Variants in EFCAB5 observed in about 807,000 individuals in gnomAD.
EFCAB5 encodes EF-hand calcium binding domain 5.
EFCAB5 carries 131 observed loss-of-function variants against 167.9 expected under a neutral mutation model. The ratio of observed to expected loss-of-function variants is 0.78; its 90% CI spans 0.68 to 0.90. The LOEUF (loss-of-function observed/expected upper bound fraction) is 0.90, where lower values mean the gene tolerates loss of function less well. Among genes scored for constraint, EFCAB5 ranks in the 40% least tolerant of loss-of-function variants. The pLI is 0.00. For missense variants in EFCAB5, 1,663 were observed against 1,745.2 expected (o/e 0.95, Z 0.84); for synonymous variants, 574 against 602.8 (o/e 0.95, Z 0.70).
At chr17:30,046,097 A>G (rs910014831) in intron 8 of EFCAB5, among the ~76,000 whole-genome samples, 10 of 152,204 alleles carry the variant, frequency 6.6e-5, no homozygotes, top group African/African-American at 2.2e-4. Flanking sequence ...ATATCAGAAT[A>G]ATCACCACCT....
intron 3 of EFCAB5, among the ~76,000 whole-genome samples, chr17:29,967,315 G>T (rs987395308): frequency 2.6e-5 from 4 of 152,188 alleles, no homozygotes; most frequent in African/African-American, 7.2e-5. Context: ...AGACAGTGAA[G>T]CTGTCAATAG....
At chr17:29,959,830 C>T (rs989687812) in intron 3 of EFCAB5, among the ~76,000 whole-genome samples, 7 of 152,208 alleles carry the variant, frequency 4.6e-5, no homozygotes, top group Admixed American at 4.6e-4. Context: ...CTTGGCTGCC[C>T]TAGCTGGTGT....
chr17:30,015,905 A>G (rs1388093416), intron 7 of EFCAB5, among the ~76,000 whole-genome samples: 1 of 151,760 alleles, frequency 6.6e-6, no homozygotes, highest in Non-Finnish European at 1.5e-5. Flanking sequence ...CAGCTTTCCA[A>G]GTAGCTGGGA....
At chr17:30,092,188 A>G in intron 21 of EFCAB5, 31 bp downstream of exon 21, 2 of 1,582,536 alleles carry the variant, frequency 1.3e-6, no homozygotes, top group Non-Finnish European at 1.7e-6. Flanking sequence ...CACCTTTTAA[A>G]TTGAAGAATC....
chr17:30,028,411 G>T (rs1329836064), intron 7 of EFCAB5, among the ~76,000 whole-genome samples: 1 of 151,926 alleles, frequency 6.6e-6, no homozygotes, highest in Admixed American at 6.6e-5. Flanking sequence ...TGCTCATTTT[G>T]TTTTTTATGT....
intron 18 of EFCAB5, among the ~76,000 whole-genome samples, chr17:30,083,477 G>A (rs571463792): frequency 7.2e-4 from 109 of 152,306 alleles, no homozygotes; most frequent in African/African-American, 2.4e-3. Context: ...GAAAGAAGAC[G>A]GAGTCTCGCT....
Position 30,078,478 on chromosome 17 carries a change from A to G in EFCAB5, c.3001A>G (p.Ser1001Gly). ...TGGGGTGTCCCTAGAGCCGGTGTAT[A>G]GTGAGACCTTTAAGGCCCTCATGCA... ...TSGVSLEPVYSETFKALMQDA... is the reference protein window; with the variant it reads ...TSGVSLEPVYGETFKALMQDA... The change falls in exon 15 of 23, where the codon AGT (serine) becomes GGT (glycine). Residue 1001 changes from serine (S) to glycine (G), a missense_variant. Transcript: ENST00000394835. The G allele has an allele frequency of 2.5e-6, 4 of 1,608,266 alleles. No individual in the cohort carries two copies. The highest frequency in any genetic ancestry group is 3.4e-6 in the Non-Finnish European group (4 of 1,176,238).
At chr17:29,991,607 G>A (rs1360902880) in intron 4 of EFCAB5, among the ~76,000 whole-genome samples, 10 of 152,222 alleles carry the variant, frequency 6.6e-5, no homozygotes, top group Non-Finnish European at 2.9e-5. Context: ...CCCAGGGTGG[G>A]CCAGGTTTCC....
intron 19 of EFCAB5, among the ~76,000 whole-genome samples, chr17:30,089,089 C>T (rs762115360): frequency 3.2e-4 from 48 of 152,144 alleles, no homozygotes; most frequent in Non-Finnish European, 6.0e-4. Flanking sequence ...ATCCCTCCCC[C>T]TTCCCTCCAC....
chr17:30,005,427 T>C (rs976220725), intron 7 of EFCAB5, among the ~76,000 whole-genome samples: 2 of 152,222 alleles, frequency 1.3e-5, no homozygotes, highest in Non-Finnish European at 2.9e-5. Flanking sequence ...TTCTATGTAA[T>C]TTAAAAATTT....
chr17:30,011,936 C>T (rs543909095), intron 7 of EFCAB5, among the ~76,000 whole-genome samples: 1 of 152,226 alleles, frequency 6.6e-6, no homozygotes, highest in East Asian at 1.9e-4. Context: ...ATTAGTAGTA[C>T]TTATTCTTTA....
chr17:30,026,524 T>G (rs1387718189), intron 7 of EFCAB5, among the ~76,000 whole-genome samples: 3 of 152,224 alleles, frequency 2.0e-5, no homozygotes, highest in African/African-American at 7.2e-5. Context: ...AAAGTATATT[T>G]GTTTTATTCA....
chr17:30,073,054 A>G, intron 14 of EFCAB5: 1 of 626,754 alleles, frequency 1.6e-6, no homozygotes, highest in Admixed American at 2.6e-5. Flanking sequence ...CCCCATGCCC[A>G]ACCTTTATTT....
intron 4 of EFCAB5, among the ~76,000 whole-genome samples, chr17:29,969,987 T>C (rs1283734733): frequency 6.6e-6 from 1 of 152,148 alleles, no homozygotes; most frequent in Admixed American, 6.5e-5. Flanking sequence ...AATTTAACTT[T>C]TCTTTTATGG....
At chr17:30,015,297 A>G (rs1190660694) in intron 7 of EFCAB5, among the ~76,000 whole-genome samples, 1 of 151,930 alleles carries the variant, frequency 6.6e-6, no homozygotes, top group Non-Finnish European at 1.5e-5. Context: ...CTTCTCGAGG[A>G]GTATCTTTGT....
intron 4 of EFCAB5, among the ~76,000 whole-genome samples, chr17:29,989,392 G>A (rs1351932766): frequency 6.6e-6 from 1 of 152,184 alleles, no homozygotes. Flanking sequence ...CATACGTCTG[G>A]CAAATTGTTG....
At chr17:30,096,677 AT>A (rs71278522) in intron 22 of EFCAB5, among the ~76,000 whole-genome samples, 2,448 of 59,670 alleles carry the variant, frequency 0.041, 28 homozygotes, top group Middle Eastern at 0.1. Flanking sequence ...ATATATATAT[AT>A]TTTTTTTTTT....
intron 3 of EFCAB5, chr17:29,968,434 C>T: frequency 2.5e-6 from 1 of 399,570 alleles, no homozygotes; most frequent in South Asian, 1.9e-5. Context: ...AAAACAGAGC[C>T]TCAAGAGGAG....
chr17:30,086,436 G>A (rs924812736), intron 18 of EFCAB5, among the ~76,000 whole-genome samples: 4 of 152,048 alleles, frequency 2.6e-5, no homozygotes, highest in African/African-American at 4.8e-5. Flanking sequence ...AGAGAGTGTC[G>A]TCCCAATAGC....
Sources: gnomAD v4.1 joint callset for allele counts (sites outside exome capture counted in the v4.1 genomes callset) on GRCh38, gnomAD v4.1.1 for gene constraint, MANE v1.5 for transcripts, NCBI Gene and HGNC (gene_info 2026-07-23, HGNC 2026-07-21) for gene names.